Variants in EPCAM observed in about 807,000 individuals in gnomAD.
EPCAM encodes the protein adenocarcinoma-associated antigen.
EPCAM carries 39 observed loss-of-function variants against 40.0 expected under a neutral mutation model. That is an observed-to-expected ratio of 0.98 (90% CI 0.76 to 1.27). EPCAM has a LOEUF of 1.27. Among genes scored for constraint, EPCAM ranks in the 50% most tolerant of loss-of-function variants. The pLI is 0.00. For missense variants in EPCAM, 503 were observed against 381.2 expected, an observed-to-expected ratio of 1.32 and a Z score of -2.66; for synonymous variants, 168 against 132.3, an observed-to-expected ratio of 1.27 and a Z score of -1.85.
chr2:47,370,073 C>G (rs531684938), intron 1 of EPCAM, among the ~76,000 whole-genome samples: 3 of 152,340 alleles, frequency 2.0e-5, no homozygotes, highest in South Asian at 2.1e-4. Flanking sequence ...CCTCCAGGGC[C>G]GCTATGCACC....
chr2:47,374,316 A>G (rs956241841), intron 3 of EPCAM, among the ~76,000 whole-genome samples: 3 of 152,206 alleles, frequency 2.0e-5, no homozygotes, highest in Non-Finnish European at 2.9e-5. Flanking sequence ...ATAGCATACT[A>G]GGTATAATTT....
chr2:47,372,948 G>A (rs1203895039), intron 1 of EPCAM, among the ~76,000 whole-genome samples: 1 of 152,010 alleles, frequency 6.6e-6, no homozygotes, highest in East Asian at 1.9e-4. Flanking sequence ...GCTCATGCCT[G>A]TAATCCCAGC....
chr2:47,373,882 G>T lies in EPCAM; in HGVS notation c.259G>T (p.Ala87Ser). 6.2e-7 allele frequency: 1 copy of T among 1,614,056 alleles called. No individual in the cohort carries two copies. Among genetic ancestry groups the T allele is most frequent in the Non-Finnish European group, 8.5e-7 (1 of 1,180,002 alleles). ...TGGGAGAAGAGCAAAACCTGAAGGG[G>T]CCCTCCAGAACAATGATGGGCTTTA... ...KLGRRAKPEG[A>S]LQNNDGLYDP... is the part of the protein sequence containing the mutation. The change falls in exon 3 of 9, where the codon GCC (alanine) becomes TCC (serine). Residue 87 changes from alanine to serine, a missense_variant. Coordinates refer to ENST00000263735, the MANE Select transcript of EPCAM (RefSeq NM_002354.3).
chr2:47,369,351 G>C lies in EPCAM; in HGVS notation c.-155G>C, dbSNP rs1466682604. 2 of 1,239,904 alleles carry C rather than the reference G, an allele frequency of 1.6e-6. No individual in the cohort carries two copies. Among genetic ancestry groups the C allele is most frequent in the African/African-American group, 1.6e-5 (1 of 62,730 alleles). The allele number at this position is 1,239,904 out of a possible 1,614,324, so 76.8% of individuals were successfully genotyped here. ...TTCGGCGAGCGAGCACCTTCGACGC[G>C]GTCCGGGGACCCCCTCGTCGCTGTC... On this transcript the variant is annotated 5_prime_UTR_variant, in exon 1 of 9. Transcript: ENST00000263735.
chr2:47,375,950 C>T (rs1024969020), intron 4 of EPCAM, among the ~76,000 whole-genome samples: 4 of 152,040 alleles, frequency 2.6e-5, no homozygotes, highest in East Asian at 3.9e-4. Flanking sequence ...GTGATCCTCC[C>T]GCCTCTGCCT....
chr2:47,373,614 A>C, intron 2 of EPCAM, 44 bp downstream of exon 2: 1 of 1,499,562 alleles, frequency 6.7e-7, no homozygotes, highest in Non-Finnish European at 9.3e-7. Context: ...ATTTTGACTT[A>C]ATACTTCTTT....
chr2:47,375,335 T>C (rs767961214), intron 4 of EPCAM, 36 bp downstream of exon 4: 3 of 1,365,442 alleles, frequency 2.2e-6, no homozygotes, highest in African/African-American at 1.4e-5. Context: ...TCTTGCACAG[T>C]TGGTGGCTCA....
Position 47,369,491 on chromosome 2 carries a change from C to G in EPCAM, c.-15C>G, listed in dbSNP as rs760681394. The G allele has an allele frequency of 4.6e-6, 7 of 1,526,606 alleles. No homozygotes were observed. In the Admixed American group the frequency reaches 8.1e-5, roughly 18 times the overall value. 94.6% of individuals were successfully genotyped at this position (1,526,606 alleles called of 1,614,324 possible). A position where few individuals can be genotyped will look rare whatever the true frequency, so the allele number is the denominator to read the frequency against. ...CGGGCCCCTCCCGCGCCCCTCTTCT[C>G]GGCGCGCGCGCAGCATGGCGCCCCC... On this transcript the variant is annotated 5_prime_UTR_variant, in exon 1 of 9. Transcript: ENST00000263735.
intron 5 of EPCAM, chr2:47,377,566 C>T: frequency 4.0e-6 from 1 of 250,712 alleles, no homozygotes; most frequent in South Asian, 4.6e-5. Flanking sequence ...TGTTTTCCTT[C>T]CATAGCCTTT....
rs1671158286 is a variant in EPCAM, at chr2:47,369,485, T to G, written c.-21T>G. The G allele has an allele frequency of 1.3e-6, 2 of 1,519,368 alleles. No individual in the cohort carries two copies. Among genetic ancestry groups the G allele is most frequent in the East Asian group, 5.1e-5 (2 of 39,006 alleles). The allele number at this position is 1,519,368 out of a possible 1,614,324, so 94.1% of individuals were successfully genotyped here. On this transcript the variant is annotated 5_prime_UTR_variant, in exon 1 of 9. Coordinates refer to ENST00000263735, the MANE Select transcript of EPCAM (RefSeq NM_002354.3). ...GAGTCCCGGGCCCCTCCCGCGCCCC[T>G]CTTCTCGGCGCGCGCGCAGCATGGC...
rs555329870 is a variant in EPCAM, at chr2:47,373,479, C to G, written c.93C>G (p.Asn31Lys). 2.7e-5 allele frequency: 44 copies of G among 1,611,522 alleles called. No homozygotes were observed. The East Asian group carries it at 9.8e-4, about 36-fold the overall frequency. ...AAAQEECVCE[N>K]YKLAVNCFVN... is the part of the protein sequence containing the mutation. Reference sequence around the variant, plus strand: ...ATTTTCTAGAATGTGTCTGTGAAAACTACAAGCTGGCCGTAAACTGCTTTG... The same window carrying G: ...ATTTTCTAGAATGTGTCTGTGAAAAGTACAAGCTGGCCGTAAACTGCTTTG... Residue 31 changes from asparagine (N) to lysine (K), a missense_variant, in exon 2 of 9, where the codon AAC becomes AAG. Transcript: ENST00000263735.
intron 7 of EPCAM, among the ~76,000 whole-genome samples, chr2:47,382,529 A>T (rs1438526937): frequency 6.6e-6 from 1 of 152,170 alleles, no homozygotes; most frequent in Non-Finnish European, 1.5e-5. Context: ...TCTACTAAAA[A>T]TACAAAATGA....
At chr2:47,370,631 G>A (rs1359892403) in intron 1 of EPCAM, among the ~76,000 whole-genome samples, 1 of 152,000 alleles carries the variant, frequency 6.6e-6, no homozygotes, top group Non-Finnish European at 1.5e-5. Flanking sequence ...GGAGTGCAAT[G>A]GCAAGATCTT....
rs746631464 is a variant in EPCAM, at chr2:47,378,977, G to T, written c.580G>T (p.Asp194Tyr). The change falls in exon 6 of 9, where the codon GAT becomes TAT. Residue 194 changes from aspartate to tyrosine, a missense_variant. Asp to Tyr is a radical substitution (Grantham distance 160, BLOSUM62 -3). Transcript: ENST00000263735. ...ILYENNVITIDLVQNSSQKTQ... is the reference protein window; with the variant it reads ...ILYENNVITIYLVQNSSQKTQ... ...GTATGAGAATAATGTTATCACTATT[G>T]ATCTGGTTCAAAATTCTTCTCAAAA... is the stretch of plus-strand genomic sequence containing the variant. 1.3e-6 allele frequency: 2 copies of T among 1,575,042 alleles called. No individual in the cohort carries two copies. Among genetic ancestry groups the T allele is most frequent in the Admixed American group, 1.7e-5 (1 of 59,926 alleles).
In EPCAM at chr2:47,370,372, A is replaced by G. The variant is rs57437158; in HGVS notation, c.76+791A>G. On this transcript the variant is annotated intron_variant, in intron 1 of 8. Coordinates refer to ENST00000263735, the MANE Select transcript of EPCAM (RefSeq NM_002354.3). ...CTGCAACTTTCGCCTCCCGGGTTCA[A>G]GTGATTCTCCTGCCTCAGCCTCCTG... 3.0e-3 allele frequency among the ~76,000 whole-genome samples: 422 copies of G among 142,406 alleles called. 3 individuals carry two copies. Among genetic ancestry groups the G allele is most frequent in the African/African-American group, 0.011 (398 of 37,644 alleles). The allele number at this position is 142,406 out of a possible 152,430, so 93.4% of individuals were successfully genotyped here.
chr2:47,380,003 G>T, intron 7 of EPCAM, 34 bp downstream of exon 7: 2 of 1,577,078 alleles, frequency 1.3e-6, no homozygotes, highest in Non-Finnish European at 1.7e-6. Context: ...TCATTTAAGG[G>T]TATATTTTTT....
At chr2:47,375,172 A>T (rs976414959) in intron 3 of EPCAM, 62 bp from the exon 4 acceptor site, 2 of 1,246,086 alleles carry the variant, frequency 1.6e-6, no homozygotes, top group Non-Finnish European at 2.4e-6. Context: ...GGATTAGCTT[A>T]TTAGGAAAAT....
At chr2:47,380,783 G>T (rs1671565019) in intron 7 of EPCAM, among the ~76,000 whole-genome samples, 1 of 152,110 alleles carries the variant, frequency 6.6e-6, no homozygotes, top group South Asian at 2.1e-4. Context: ...GGATGCTTCG[G>T]TATCAAGAAA....
intron 3 of EPCAM, among the ~76,000 whole-genome samples, chr2:47,374,262 TG>T (rs1401403921): frequency 3.3e-5 from 5 of 152,180 alleles, no homozygotes; most frequent in African/African-American, 1.2e-4. Flanking sequence ...CAGAGATAGT[TG>T]ATGAATTTGT....
Sources: gnomAD v4.1 joint callset for allele counts (sites outside exome capture counted in the v4.1 genomes callset) on GRCh38, gnomAD v4.1.1 for gene constraint, MANE v1.5 for transcripts, NCBI Gene and HGNC (gene_info 2026-07-23, HGNC 2026-07-21) for gene names.